The following RBFOX1 variants were observed in gnomAD, a reference collection of about 807,000 sequenced individuals.
The protein encoded by RBFOX1 is RNA binding protein fox-1 homolog 1.
Under a neutral mutation model 57.7 loss-of-function variants are expected in RBFOX1, and 8 were observed. That is an observed-to-expected ratio of 0.14 (90% CI 0.08 to 0.25). RBFOX1 has a LOEUF of 0.25. Ranked by LOEUF, RBFOX1 falls within the 10% of genes least tolerant of loss-of-function variation. RBFOX1 has a pLI of 1.00. For missense variants in RBFOX1, 611 were observed against 548.5 expected, an observed-to-expected ratio of 1.11 and a Z score of -1.14; for synonymous variants, 326 against 222.4, an observed-to-expected ratio of 1.47 and a Z score of -4.15.
chr16:6,923,502 C>T (rs1001854888), intron 3 of RBFOX1, among the ~76,000 whole-genome samples: 5 of 152,162 alleles, frequency 3.3e-5, no homozygotes, highest in African/African-American at 9.6e-5. Flanking sequence ...CACTGCACTC[C>T]AGCCTGGATG....
At chr16:6,599,402 C>G (rs528285691) in intron 2 of RBFOX1, among the ~76,000 whole-genome samples, 1 of 152,048 alleles carries the variant, frequency 6.6e-6, no homozygotes, top group Non-Finnish European at 1.5e-5. Flanking sequence ...AGTTAAAGTA[C>G]TCTGGGAACA....
chr16:5,578,034 C>G (rs1041395390), intron 2 of RBFOX1, among the ~76,000 whole-genome samples: 8 of 152,346 alleles, frequency 5.3e-5, no homozygotes, highest in African/African-American at 1.9e-4. Flanking sequence ...TCACTGCCAC[C>G]TCCACCTTCC....
At chr16:5,847,854 A>G (rs965916726) in intron 3 of RBFOX1, among the ~76,000 whole-genome samples, 5 of 151,978 alleles carry the variant, frequency 3.3e-5, no homozygotes, top group Non-Finnish European at 7.4e-5. Flanking sequence ...CAGAATCAAC[A>G]CCCAGACTAT....
At chr16:6,941,495 C>G (rs779440097) in intron 3 of RBFOX1, among the ~76,000 whole-genome samples, 12 of 151,994 alleles carry the variant, frequency 7.9e-5, no homozygotes, top group Non-Finnish European at 1.5e-4. Context: ...TTGATCTATT[C>G]TTTCTTCCCA....
intron 4 of RBFOX1, among the ~76,000 whole-genome samples, chr16:7,311,215 G>A (rs1030052561): frequency 1.3e-4 from 20 of 152,200 alleles, no homozygotes; most frequent in Admixed American, 1.1e-3. Flanking sequence ...TTAGCACTCA[G>A]CCAAGCTCTA....
At chr16:6,617,833 C>T (rs1026891841) in intron 2 of RBFOX1, among the ~76,000 whole-genome samples, 3 of 152,130 alleles carry the variant, frequency 2.0e-5, no homozygotes, top group Non-Finnish European at 4.4e-5. Flanking sequence ...GAGAATTCCT[C>T]CTTGAGGAAG....
intron 4 of RBFOX1, among the ~76,000 whole-genome samples, chr16:7,280,682 G>T (rs540481581): frequency 6.6e-6 from 1 of 152,262 alleles, no homozygotes; most frequent in South Asian, 2.1e-4. Context: ...CTCAAGAGGG[G>T]CCCTGCTGAC....
intron 4 of RBFOX1, among the ~76,000 whole-genome samples, chr16:5,922,227 C>G (rs1397882507): frequency 1.2e-4 from 18 of 152,132 alleles, no homozygotes; most frequent in Admixed American, 1.2e-3. Context: ...CACTCATCAC[C>G]AAGGGGATGG....
chr16:6,286,592 G>T (rs1049917340), intron 1 of RBFOX1, among the ~76,000 whole-genome samples: 1 of 152,184 alleles, frequency 6.6e-6, no homozygotes, highest in Non-Finnish European at 1.5e-5. Flanking sequence ...CTTAATAAGT[G>T]TGGTTGTTAC....
chr16:5,964,204 C>G (rs1172212080), intron 4 of RBFOX1, among the ~76,000 whole-genome samples: 1 of 152,148 alleles, frequency 6.6e-6, no homozygotes, highest in Non-Finnish European at 1.5e-5. Context: ...GAGATACCAC[C>G]TCATACCTAT....
intron 3 of RBFOX1, among the ~76,000 whole-genome samples, chr16:6,862,984 A>T (rs1004782863): frequency 8.4e-6 from 1 of 119,458 alleles, no homozygotes; most frequent in East Asian, 2.6e-4. Context: ...GACTCTGTCT[A>T]AAAAAAAAAA....
chr16:6,337,090 C>T lies in RBFOX1; in HGVS notation c.-64+20033C>T, dbSNP rs186716299. Among the ~76,000 whole-genome samples the T allele has an allele frequency of 3.9e-5, 6 of 152,202 alleles. No individual in the cohort carries two copies. The East Asian group carries it at 1.2e-3, about 29-fold the overall frequency. On this transcript the variant is annotated intron_variant, in intron 2 of 15. Coordinates refer to ENST00000550418, the MANE Select transcript of RBFOX1 (RefSeq NM_018723.4). Reference sequence around the variant, plus strand: ...AGAGTTCAGAGCACTTTATATTACTCGACAGTTTATTTCCATGGAGGGAGT... The same window carrying T: ...AGAGTTCAGAGCACTTTATATTACTTGACAGTTTATTTCCATGGAGGGAGT...
chr16:6,399,244 C>G (rs2092967850), intron 2 of RBFOX1, among the ~76,000 whole-genome samples: 4 of 152,228 alleles, frequency 2.6e-5, no homozygotes. Context: ...CTTTTCCCTC[C>G]TAGGCCTCTG....
At chr16:6,735,638 G>A (rs971223842) in intron 3 of RBFOX1, among the ~76,000 whole-genome samples, 7 of 152,088 alleles carry the variant, frequency 4.6e-5, no homozygotes, top group East Asian at 3.9e-4. Context: ...ACATTGGATC[G>A]ATCACAAAAT....
intron 4 of RBFOX1, among the ~76,000 whole-genome samples, chr16:7,159,030 G>T (rs762781271): frequency 2.0e-5 from 3 of 147,472 alleles, no homozygotes; most frequent in Admixed American, 1.4e-4. Flanking sequence ...CCCTACCCCC[G>T]TCCCTACCTG....
At chr16:6,515,818 C>G (rs1441133795) in intron 2 of RBFOX1, among the ~76,000 whole-genome samples, 4 of 152,108 alleles carry the variant, frequency 2.6e-5, no homozygotes, top group Non-Finnish European at 5.9e-5. Context: ...CGCCTGAAGT[C>G]TCTCACCCAC....
chr16:6,674,809 A>T (rs1263141032), intron 3 of RBFOX1, among the ~76,000 whole-genome samples: 5 of 152,194 alleles, frequency 3.3e-5, no homozygotes. Flanking sequence ...CCCAGAGAAA[A>T]CAAGACCCTA....
intron 11 of RBFOX1, among the ~76,000 whole-genome samples, chr16:7,638,566 C>G (rs1432094331): frequency 6.6e-6 from 1 of 152,174 alleles, no homozygotes; most frequent in Non-Finnish European, 1.5e-5. Flanking sequence ...TTTGGAGAGG[C>G]AGTTTTCCCC....
chr16:6,434,907 T>C (rs956357981), intron 2 of RBFOX1, among the ~76,000 whole-genome samples: 3 of 152,212 alleles, frequency 2.0e-5, no homozygotes, highest in African/African-American at 4.8e-5. Context: ...AAATGATAAA[T>C]GACAAACATG....
Sources: allele counts gnomAD v4.1 joint callset (sites outside exome capture counted in the v4.1 genomes callset), GRCh38; gene constraint gnomAD v4.1.1; transcripts MANE v1.5; gene names NCBI Gene and HGNC (gene_info 2026-07-23, HGNC 2026-07-21).